Variants in NEGR1 observed in about 807,000 individuals in gnomAD.
The protein encoded by NEGR1 is neuronal growth regulator 1.
NEGR1 carries 10 observed loss-of-function variants against 40.9 expected under a neutral mutation model. The ratio of observed to expected loss-of-function variants is 0.24; its 90% CI spans 0.15 to 0.42. NEGR1 has a LOEUF of 0.42. Ranked by LOEUF, NEGR1 falls within the 10% of genes least tolerant of loss-of-function variation. NEGR1 has a pLI of 1.00. For synonymous variants in NEGR1, 185 were observed against 166.8 expected, an observed-to-expected ratio of 1.11 and a Z score of -0.84; for missense variants, 352 against 438.9, an observed-to-expected ratio of 0.80 and a Z score of 1.77.
At chr1:71,995,954 G>A (rs953775733) in intron 1 of NEGR1, among the ~76,000 whole-genome samples, 1 of 151,978 alleles carries the variant, frequency 6.6e-6, no homozygotes, top group East Asian at 1.9e-4. Context: ...AATTATTTTA[G>A]AGAACGAATA....
intron 6 of NEGR1, among the ~76,000 whole-genome samples, chr1:71,505,439 G>T (rs970989658): frequency 8.6e-5 from 13 of 152,014 alleles, no homozygotes; most frequent in Non-Finnish European, 1.6e-4. Context: ...CCGCCACTGC[G>T]CCAGACTAAT....
At chr1:71,883,155 G>T (rs1025225692) in intron 2 of NEGR1, among the ~76,000 whole-genome samples, 21 of 151,998 alleles carry the variant, frequency 1.4e-4, no homozygotes, top group African/African-American at 5.1e-4. Flanking sequence ...ATACACATTA[G>T]CTTGCTCATC....
At chr1:71,572,806 T>G (rs12139658) in intron 6 of NEGR1, among the ~76,000 whole-genome samples, 90,261 of 151,560 alleles carry the variant, frequency 0.6, 27,483 homozygotes, top group Non-Finnish European at 0.67. Context: ...TGAATAAACA[T>G]AGCACCTCGG....
At chr1:71,693,652 G>T (rs1653372062) in intron 4 of NEGR1, among the ~76,000 whole-genome samples, 1 of 151,430 alleles carries the variant, frequency 6.6e-6, no homozygotes, top group African/African-American at 2.4e-5. Flanking sequence ...GGTTTCAAAG[G>T]CCCAGTAAAT....
At chr1:72,095,956 A>AT (rs1482783413) in intron 1 of NEGR1, among the ~76,000 whole-genome samples, 11 of 152,284 alleles carry the variant, frequency 7.2e-5, no homozygotes, top group African/African-American at 2.4e-4. Flanking sequence ...AATTTTCAAA[A>AT]TAGTGGATTA....
chr1:71,719,632 T>C (rs1206844897), intron 3 of NEGR1, among the ~76,000 whole-genome samples: 1 of 151,970 alleles, frequency 6.6e-6, no homozygotes, highest in Non-Finnish European at 1.5e-5. Context: ...GTTTTTTTTT[T>C]TATTATTATT....
chr1:72,101,154 C>T (rs1257873824), intron 1 of NEGR1, among the ~76,000 whole-genome samples: 1 of 152,170 alleles, frequency 6.6e-6, no homozygotes, highest in Non-Finnish European at 1.5e-5. Flanking sequence ...ATAAGTTTGA[C>T]TGTGTCTTTT....
chr1:72,110,220 A>AG lies in NEGR1; in HGVS notation c.176+172098_176+172099insC, dbSNP rs1553141067. Reference sequence around the variant, plus strand: ...CATGTACCCTAAAACTTAGAGTATAATAAAAAAAAAAAAAAAAAAAAAGAA... The same window carrying AG: ...CATGTACCCTAAAACTTAGAGTATAAGTAAAAAAAAAAAAAAAAAAAAAGAA... On this transcript the variant is annotated intron_variant, in intron 1 of 6. Transcript: ENST00000357731. Among the ~76,000 whole-genome samples, 4 of 118,584 alleles carry AG rather than the reference A, an allele frequency of 3.4e-5. No homozygotes were observed. In the East Asian group the frequency reaches 1.1e-3, roughly 33 times the overall value. 77.8% of individuals were successfully genotyped at this position (118,584 alleles called of 152,430 possible).
chr1:71,443,303 G>A (rs1348766896), intron 6 of NEGR1, among the ~76,000 whole-genome samples: 2 of 152,010 alleles, frequency 1.3e-5, no homozygotes, highest in African/African-American at 2.4e-5. Flanking sequence ...TGTTGACCTC[G>A]CTAGATCCCA....
chr1:71,756,609 T>C (rs958505185), intron 3 of NEGR1, among the ~76,000 whole-genome samples: 4 of 152,108 alleles, frequency 2.6e-5, no homozygotes, highest in African/African-American at 7.2e-5. Context: ...CTCTGAGAGT[T>C]CTTTCCTTCT....
At chr1:72,206,493 C>T (rs1653402918) in intron 1 of NEGR1, among the ~76,000 whole-genome samples, 1 of 152,108 alleles carries the variant, frequency 6.6e-6, no homozygotes, top group African/African-American at 2.4e-5. Flanking sequence ...TATTTTTCTA[C>T]ATTTACAATC....
At chr1:71,550,930 C>T (rs1648055532) in intron 6 of NEGR1, among the ~76,000 whole-genome samples, 1 of 151,702 alleles carries the variant, frequency 6.6e-6, no homozygotes, top group East Asian at 2.0e-4. Flanking sequence ...TATAATGCAT[C>T]TCTTAAGAAT....
At chr1:71,875,645 T>C (rs1410483603) in intron 2 of NEGR1, among the ~76,000 whole-genome samples, 2 of 152,198 alleles carry the variant, frequency 1.3e-5, no homozygotes, top group African/African-American at 4.8e-5. Context: ...CAGGCATCCC[T>C]GTGCAGCAAA....
At chr1:71,614,984 T>C (rs185306396) in intron 4 of NEGR1, among the ~76,000 whole-genome samples, 37 of 152,246 alleles carry the variant, frequency 2.4e-4, no homozygotes, top group Admixed American at 3.3e-4. Context: ...AAAGAATGAA[T>C]AAATATGCAT....
intron 3 of NEGR1, among the ~76,000 whole-genome samples, chr1:71,749,470 TATATC>T (rs1382440677): frequency 6.6e-6 from 1 of 152,214 alleles, no homozygotes; most frequent in African/African-American, 2.4e-5. Flanking sequence ...CTGCAGCACT[TATATC>T]ATATTTGCTA....
chr1:71,722,906 T>C (rs905132058), intron 3 of NEGR1, among the ~76,000 whole-genome samples: 1 of 152,222 alleles, frequency 6.6e-6, no homozygotes, highest in Non-Finnish European at 1.5e-5. Flanking sequence ...TTCCCTTTTG[T>C]TCCTCTCTGT....
intron 2 of NEGR1, among the ~76,000 whole-genome samples, chr1:71,786,419 CTG>C (rs970097530): frequency 2.6e-5 from 4 of 152,164 alleles, no homozygotes; most frequent in African/African-American, 9.7e-5. Flanking sequence ...CTTCTCAACA[CTG>C]TGCTCTAGAA....
intron 1 of NEGR1, among the ~76,000 whole-genome samples, chr1:72,012,880 T>A (rs544959148): frequency 2.3e-3 from 348 of 148,756 alleles, no homozygotes; most frequent in Middle Eastern, 7.0e-3. Context: ...TATATATATT[T>A]TTTTTTTTGT....
intron 1 of NEGR1, among the ~76,000 whole-genome samples, chr1:72,161,281 C>T (rs1651549218): frequency 6.6e-6 from 1 of 152,036 alleles, no homozygotes; most frequent in Non-Finnish European, 1.5e-5. Context: ...CTTTAATATC[C>T]TTTGTAGAAG....
Sources: gnomAD v4.1 joint callset for allele counts (sites outside exome capture counted in the v4.1 genomes callset) on GRCh38, gnomAD v4.1.1 for gene constraint, MANE v1.5 for transcripts, NCBI Gene and HGNC (gene_info 2026-07-23, HGNC 2026-07-21) for gene names.